Variants in LRRC18 observed in about 807,000 individuals in gnomAD.
LRRC18 encodes the protein leucine rich repeat containing 18, also known as leucine-rich repeat-containing protein 18.
Under a neutral mutation model 11.2 loss-of-function variants are expected in LRRC18, and 12 were observed. The observed-to-expected ratio is 1.07, with a 90% CI of 0.69 to 1.74. The LOEUF is 1.74. Ranked by LOEUF, LRRC18 falls within the 40% of genes most tolerant of loss-of-function variation. LRRC18 has a pLI of 0.00. For synonymous variants in LRRC18, 155 were observed against 130.6 expected (o/e 1.19, Z -1.27); for missense variants, 374 against 330.5 (o/e 1.13, Z -1.02).
the LRRC18 span, among the ~76,000 whole-genome samples, chr10:48,935,903 C>CTTTTTTTTTTTTAGTTT: frequency 6.7e-6 from 1 of 149,320 alleles, no homozygotes; most frequent in African/African-American, 2.5e-5. Context: ...CATCTATGGT[C>CTTTTTTTTTTTTAGTTT]TTTTTTTTTT....
upstream of LRRC18, among the ~76,000 whole-genome samples, chr10:48,917,549 T>C (rs1454291564): frequency 6.6e-6 from 1 of 152,140 alleles, no homozygotes; most frequent in Non-Finnish European, 1.5e-5. Context: ...TGACTGCAGG[T>C]TTCTCATCAG....
At chr10:48,913,681 T>G in exon 1 of LRRC18, 1 of 1,613,392 alleles carries the variant, frequency 6.2e-7, no homozygotes, top group South Asian at 1.1e-5. Context: ...CTCACGGGGA[T>G]GTTGTTCAGT....
the LRRC18 span, among the ~76,000 whole-genome samples, chr10:48,930,507 G>A: frequency 6.6e-6 from 1 of 152,156 alleles, no homozygotes; most frequent in Non-Finnish European, 1.5e-5. Context: ...TTAGGCCAAG[G>A]GGAGAAGGAT....
chr10:48,910,374 G>A, intron 1 of LRRC18, 116 bp from the exon 4 acceptor site: 1 of 884,660 alleles, frequency 1.1e-6, no homozygotes, highest in Non-Finnish European at 1.9e-6. Context: ...AGGATGGTCA[G>A]GTTAGTGTGA....
exon 2 of LRRC18, chr10:48,910,167 G>T: frequency 7.2e-7 from 1 of 1,385,876 alleles, no homozygotes; most frequent in South Asian, 1.2e-5. Flanking sequence ...TCTCCTAACT[G>T]GGGGCTTCTC....
intron 1 of LRRC18, among the ~76,000 whole-genome samples, chr10:48,911,934 C>T (rs1460591125): frequency 6.6e-6 from 1 of 152,170 alleles, no homozygotes; most frequent in Non-Finnish European, 1.5e-5. Context: ...ATGAAATGTG[C>T]TGTGTGCTGT....
upstream of LRRC18, among the ~76,000 whole-genome samples, chr10:48,917,748 G>A (rs1320202703): frequency 6.6e-6 from 1 of 152,202 alleles, no homozygotes. Flanking sequence ...AGTTCTTCAG[G>A]TGAAAGGGAA....
chr10:48,926,553 G>A, the LRRC18 span, among the ~76,000 whole-genome samples: 1 of 152,274 alleles, frequency 6.6e-6, no homozygotes, highest in Non-Finnish European at 1.5e-5. Flanking sequence ...CCTTTTGGAG[G>A]AACTGACCAC....
At chr10:48,932,668 G>T in the LRRC18 span, 1 of 150,940 alleles carries the variant, frequency 6.6e-6, no homozygotes, top group African/African-American at 2.4e-5. Context: ...GAGGGAGAGA[G>T]AGAGAAAAAA....
the LRRC18 span, among the ~76,000 whole-genome samples, chr10:48,927,370 G>T: frequency 6.6e-6 from 1 of 152,286 alleles, no homozygotes; most frequent in East Asian, 1.9e-4. Flanking sequence ...CCTATTGTGG[G>T]TGGTGGGGGG....
chr10:48,921,623 G>A, the LRRC18 span, among the ~76,000 whole-genome samples: 2 of 151,884 alleles, frequency 1.3e-5, no homozygotes, highest in African/African-American at 4.8e-5. Flanking sequence ...AAAACGTTGA[G>A]CATGAAAAGA....
chr10:48,916,403 T>C (rs1488139374), upstream of LRRC18, among the ~76,000 whole-genome samples: 2 of 152,126 alleles, frequency 1.3e-5, no homozygotes, highest in East Asian at 1.9e-4. Flanking sequence ...TGCTTGCTTC[T>C]CTCCTGTCTC....
At chr10:48,933,520 C>T in the LRRC18 span, among the ~76,000 whole-genome samples, 1 of 152,222 alleles carries the variant, frequency 6.6e-6, no homozygotes, top group Non-Finnish European at 1.5e-5. Context: ...TCATCATGTT[C>T]TGCAGATGCT....
chr10:48,933,986 G>A, the LRRC18 span, among the ~76,000 whole-genome samples: 1 of 152,042 alleles, frequency 6.6e-6, no homozygotes, highest in Non-Finnish European at 1.5e-5. Flanking sequence ...ACAACCACAG[G>A]GCTCAGGGGC....
At chr10:48,911,630 G>C (rs200802883) in intron 1 of LRRC18, among the ~76,000 whole-genome samples, 1 of 152,066 alleles carries the variant, frequency 6.6e-6, no homozygotes, top group Non-Finnish European at 1.5e-5. Flanking sequence ...TTCAAAGCAG[G>C]ACAGAAATGA....
At position 48,912,984 on chromosome 10, in the gene LRRC18, C is replaced by T. The variant is rs180808542; in HGVS notation, c.764+408G>A. ...AGATTCCTTGCCTTTGAAGCCCAGA[C>T]CCAAAACATTTCCATTAAATAACTT... is the stretch of plus-strand genomic sequence containing the variant. On this transcript the variant is annotated intron_variant, in intron 1 of 1. Coordinates refer to ENST00000374160, the Ensembl canonical transcript of LRRC18. Among the ~76,000 whole-genome samples, 19 of 152,328 alleles carry T rather than the reference C, an allele frequency of 1.2e-4. No individual in the cohort carries two copies. In the East Asian group the frequency reaches 3.1e-3, roughly 25 times the overall value.
At chr10:48,923,050 C>T in the LRRC18 span, among the ~76,000 whole-genome samples, 1 of 152,160 alleles carries the variant, frequency 6.6e-6, no homozygotes, top group East Asian at 1.9e-4. Flanking sequence ...TTTAAAAAAT[C>T]GTTTTTAAAA....
the LRRC18 span, among the ~76,000 whole-genome samples, chr10:48,934,453 G>A: frequency 6.6e-6 from 1 of 152,220 alleles, no homozygotes; most frequent in South Asian, 2.1e-4. Context: ...CTTGTGTGGA[G>A]TCACAAAGAC....
At chr10:48,937,131 T>A in the LRRC18 span, among the ~76,000 whole-genome samples, 4 of 152,060 alleles carry the variant, frequency 2.6e-5, no homozygotes, top group Non-Finnish European at 5.9e-5. Flanking sequence ...TGACCTCAGG[T>A]GATCCGCCCA....
Sources: gnomAD v4.1 joint callset for allele counts (sites outside exome capture counted in the v4.1 genomes callset) on GRCh38, gnomAD v4.1.1 for gene constraint, MANE v1.5 for transcripts, NCBI Gene and HGNC (gene_info 2026-07-23, HGNC 2026-07-21) for gene names.